The following ETV1 variants were observed in gnomAD, a reference collection of about 807,000 sequenced individuals.
ETV1 encodes the protein ETS translocation variant 1.
Under a neutral mutation model 62.3 loss-of-function variants are expected in ETV1, and 27 were observed. That is an observed-to-expected ratio of 0.43 (90% confidence interval 0.32 to 0.60). The LOEUF is 0.60. Among genes scored for constraint, ETV1 ranks in the 20% least tolerant of loss-of-function variants. The probability of loss-of-function intolerance (pLI) is 0.06; values close to 1 mark genes in which losing one functional copy is unlikely to be tolerated. For missense variants in ETV1, 605 were observed against 605.8 expected (o/e 1.00, Z 0.01); for synonymous variants, 222 against 199.6 (o/e 1.11, Z -0.94).
chr7:13,953,065 A>G lies in ETV1; in HGVS notation c.236-13819T>C, dbSNP rs78949657. ...AGTTTTGCATTTTGCACTGGCTTCA[A>G]ATCAGATCGTCCTACCCCTACTGGT... On this transcript the variant is annotated intron_variant, in intron 6 of 13. Transcript: ENST00000430479. 4.9e-3 allele frequency among the ~76,000 whole-genome samples: 749 copies of G among 152,334 alleles called. 8 individuals are homozygous for G. The highest frequency in any genetic ancestry group is 0.018 in the African/African-American group (731 of 41,564).
At chr7:13,911,119 C>A in intron 10 of ETV1, 120 bp downstream of exon 10, 1 of 692,036 alleles carries the variant, frequency 1.4e-6, no homozygotes, top group Non-Finnish European at 2.5e-6. Context: ...AAAACAATTG[C>A]TTAGGGAACA....
At chr7:13,968,479 A>C (rs1780531209) in intron 6 of ETV1, among the ~76,000 whole-genome samples, 1 of 151,374 alleles carries the variant, frequency 6.6e-6, no homozygotes, top group South Asian at 2.1e-4. Flanking sequence ...TAAAATCAAG[A>C]CTAATGTAAT....
rs758211416 is a variant in ETV1, at chr7:13,909,667, T to C, written c.905A>G (p.Tyr302Cys). 14 of 1,613,464 alleles carry C rather than the reference T, an allele frequency of 8.7e-6. No homozygotes were observed. Among genetic ancestry groups the C allele is most frequent in the Non-Finnish European group, 1.1e-5 (13 of 1,179,608 alleles). Residue 302 changes from tyrosine to cysteine, a missense_variant, in exon 11 of 14, where the codon TAT becomes TGT. Around this residue, in one of 3 missense-constraint regions of ETV1, gnomAD observed 426 missense variants for 377.8 expected, o/e 1.13. Transcript: ENST00000430479. Reference protein sequence around the residue: ...CMFEKGPRQFYDDTCVVPEKF... With the variant: ...CMFEKGPRQFCDDTCVVPEKF... ...TTCTGGGACAACACAGGTGTCATCA[T>C]AAAACTGCCTGGGGCCCTTTTCAAA... is the stretch of plus-strand genomic sequence containing the variant.
At chr7:13,915,466 G>A (rs755773142) in intron 9 of ETV1, among the ~76,000 whole-genome samples, 1 of 152,206 alleles carries the variant, frequency 6.6e-6, no homozygotes, top group Non-Finnish European at 1.5e-5. Context: ...GATGAGCATA[G>A]TGACAGATCT....
At chr7:13,972,353 A>G (rs1444568799) in intron 6 of ETV1, among the ~76,000 whole-genome samples, 2 of 152,082 alleles carry the variant, frequency 1.3e-5, no homozygotes, top group African/African-American at 4.8e-5. Context: ...AGACTGCTGA[A>G]CTAAGGAGGC....
intron 3 of ETV1, 52 bp from the exon 4 acceptor site, chr7:13,988,225 C>T: frequency 9.3e-7 from 1 of 1,078,578 alleles, no homozygotes; most frequent in East Asian, 2.4e-5. Context: ...TCAGATCACA[C>T]ACACGCACAC....
In ETV1 at chr7:13,892,503, C is replaced by G. The variant is rs966042362; in HGVS notation, c.*3363G>C. 3.5e-4 allele frequency: 81 copies of G among 233,000 alleles called. No homozygotes were observed. Among genetic ancestry groups the G allele is most frequent in the African/African-American group, 1.7e-3 (75 of 45,440 alleles). 14.4% of individuals were successfully genotyped at this position (233,000 alleles called of 1,614,324 possible). On this transcript the variant is annotated 3_prime_UTR_variant, in exon 14 of 14. Transcript: ENST00000430479. ...TGTTCCTGAGTAAATCAATTAGAGT[C>G]TTTGCTACACAGTCTTCCTCCTCCG...
intron 9 of ETV1, among the ~76,000 whole-genome samples, chr7:13,921,432 G>A (rs1009359963): frequency 5.3e-5 from 8 of 152,174 alleles, no homozygotes; most frequent in African/African-American, 1.9e-4. Context: ...TATGGAATGG[G>A]TTTTATCAGC....
chr7:13,904,510 T>C (rs1487219862), intron 12 of ETV1, among the ~76,000 whole-genome samples: 3 of 152,204 alleles, frequency 2.0e-5, no homozygotes, highest in Admixed American at 6.5e-5. Context: ...ACAGTTGCTA[T>C]ATAAAAAGCT....
intron 6 of ETV1, among the ~76,000 whole-genome samples, chr7:13,950,647 A>G (rs1788689598): frequency 6.6e-6 from 1 of 152,096 alleles, no homozygotes; most frequent in Non-Finnish European, 1.5e-5. Context: ...ATAACATCTT[A>G]ATAGAAGAGA....
At chr7:13,914,557 G>C (rs1158452642) in intron 9 of ETV1, among the ~76,000 whole-genome samples, 1 of 147,784 alleles carries the variant, frequency 6.8e-6, no homozygotes, top group African/African-American at 2.5e-5. Context: ...AATTTGATTA[G>C]TTTTCACGTT....
At chr7:13,941,463 C>T (rs1562652959) in intron 6 of ETV1, among the ~76,000 whole-genome samples, 1 of 152,016 alleles carries the variant, frequency 6.6e-6, no homozygotes, top group African/African-American at 2.4e-5. Flanking sequence ...ATGGTAAAAG[C>T]CAATTGAAGG....
chr7:13,976,797 G>C (rs1460973641), intron 6 of ETV1, among the ~76,000 whole-genome samples: 4 of 152,128 alleles, frequency 2.6e-5, no homozygotes, highest in African/African-American at 9.7e-5. Flanking sequence ...ATCACTCCTT[G>C]CGCATTCTCT....
intron 10 of ETV1, chr7:13,910,646 A>C (rs568418446): frequency 1.3e-5 from 2 of 159,120 alleles, no homozygotes; most frequent in South Asian, 4.0e-4. Flanking sequence ...ATATTTCAGA[A>C]ATCCTTTATT....
chr7:13,935,881 C>A lies in ETV1; in HGVS notation c.381G>T (p.Lys127Asn). The change falls in exon 8 of 14, where the codon AAG becomes AAT. Residue 127 changes from lysine (K) to asparagine (N), a missense_variant. Around this residue, in one of 3 missense-constraint regions of ETV1, gnomAD observed 426 missense variants for 377.8 expected, o/e 1.13. Coordinates refer to ENST00000430479, the MANE Select transcript of ETV1 (RefSeq NM_004956.5). ...CLYNVSAYDQ[K>N]PQVGMRPSNP... ...TGGAGGGCCTCATTCCCACTTGTGGCTTCTGATCATAGGCACTACCCAGGG... is the reference window on the plus strand; with the variant it reads ...TGGAGGGCCTCATTCCCACTTGTGGATTCTGATCATAGGCACTACCCAGGG... 1 of 1,613,386 alleles carries A rather than the reference C, an allele frequency of 6.2e-7. No individual in the cohort carries two copies. The highest frequency in any genetic ancestry group is 8.5e-7 in the Non-Finnish European group (1 of 1,179,544).
chr7:13,939,199 G>A lies in ETV1; in HGVS notation c.283C>T (p.Pro95Ser), dbSNP rs1787182209. 6 of 1,612,030 alleles carry A rather than the reference G, an allele frequency of 3.7e-6. No individual in the cohort carries two copies. The highest frequency in any genetic ancestry group is 5.1e-6 in the Non-Finnish European group (6 of 1,179,432). The change falls in exon 7 of 14, where the codon CCA becomes TCA. Residue 95 changes from proline to serine, a missense_variant. By Grantham distance (74) the Pro-to-Ser change is moderately conservative. This residue lies in a region of ETV1 where 426 missense variants were observed against 377.8 expected (regional missense o/e 1.13). Coordinates refer to ENST00000430479, the MANE Select transcript of ETV1 (RefSeq NM_004956.5). ...PLKIKKEPHS[P>S]CSEISSACSQ... ...CAGGCAGAGCTGATTTCTGAACATG[G>A]ACTGTGGGGTTCTTTCTTGATTTTC...
rs1282424315 is a variant in ETV1 at position 13,906,615 on chromosome 7, T to G, written c.941-16A>C. 6.4e-7 allele frequency: 1 copy of G among 1,567,062 alleles called. No homozygotes were observed. On this transcript the variant is annotated splice_polypyrimidine_tract_variant and intron_variant, in intron 11 of 13. Transcript: ENST00000430479. ...TTGATGTCTCCTAAATTAAAACATT[T>G]TTAAGTTTCTATTATTAGCAATACT... is the stretch of plus-strand genomic sequence containing the variant.
chr7:13,972,205 C>T (rs757354165), intron 6 of ETV1, among the ~76,000 whole-genome samples: 68 of 152,168 alleles, frequency 4.5e-4, no homozygotes, highest in Non-Finnish European at 7.6e-4. Context: ...TTCAGGAGGC[C>T]GACTTGAGCA....
chr7:13,953,898 T>C (rs1260600492), intron 6 of ETV1, among the ~76,000 whole-genome samples: 2 of 152,168 alleles, frequency 1.3e-5, no homozygotes, highest in African/African-American at 4.8e-5. Context: ...AGATGTAGCA[T>C]CTCAAGATGG....
Sources: gnomAD v4.1 joint callset for allele counts (sites outside exome capture counted in the v4.1 genomes callset) on GRCh38, gnomAD v4.1.1 for gene constraint, gnomAD v4.1.1 regional missense constraint, MANE v1.5 for transcripts, NCBI Gene and HGNC (gene_info 2026-07-23, HGNC 2026-07-21) for gene names.